The following COL25A1 variants were observed in gnomAD, a reference collection of about 807,000 sequenced individuals.
COL25A1 encodes collagen alpha-1(XXV) chain.
Under a neutral mutation model 128.4 loss-of-function variants are expected in COL25A1, and 103 were observed. The ratio of observed to expected loss-of-function variants is 0.80; its 90% CI spans 0.68 to 0.94. The LOEUF (loss-of-function observed/expected upper bound fraction) is 0.94, where lower values mean the gene tolerates loss of function less well. Among genes scored for constraint, COL25A1 ranks in the 40% least tolerant of loss-of-function variants. COL25A1 has a pLI of 0.00. For synonymous variants in COL25A1, 279 were observed against 277.2 expected (o/e 1.01, Z -0.06); for missense variants, 745 against 840.0 (o/e 0.89, Z 1.40).
intron 3 of COL25A1, among the ~76,000 whole-genome samples, chr4:109,281,409 C>CAAAAAAAAA (rs59962160): frequency 9.8e-6 from 1 of 102,258 alleles, no homozygotes; most frequent in Non-Finnish European, 2.3e-5. Flanking sequence ...CTTAAAATGG[C>CAAAAAAAAA]AAAAAAAAAA....
rs61280631 is a variant in COL25A1, at chr4:108,868,606, A to AAAAGAAAGAAAGAAAG, written c.1083+466_1083+481dup. Reference sequence around the variant, plus strand: ...GAAGGAAGGAAGGAAGAAAGAAAGAAAAAGAAAGAAAGAAAGAAAGAAGGG... The same window carrying AAAAGAAAGAAAGAAAG: ...GAAGGAAGGAAGGAAGAAAGAAAGAAAAAGAAAGAAAGAAAGAAAGAAAGAAAGAAAGAAAGAAGGG... On this transcript the variant is annotated intron_variant, in intron 20 of 37. Transcript: ENST00000399132. Among the ~76,000 whole-genome samples, 298 of 147,078 alleles carry AAAAGAAAGAAAGAAAG rather than the reference A, an allele frequency of 2.0e-3. 3 individuals carry two copies. The highest frequency in any genetic ancestry group is 7.2e-3 in the African/African-American group (283 of 39,510).
At position 108,998,744 on chromosome 4, in the gene COL25A1, A is replaced by G. The variant is rs1755034184; in HGVS notation, c.438+11614T>C. On this transcript the variant is annotated intron_variant, in intron 6 of 37. Coordinates refer to ENST00000399132, the MANE Select transcript of COL25A1 (RefSeq NM_198721.4). ...ACAAGGCTACAGTAACCAAAACAGC[A>G]TGGTACTGGTACCAAAACAGATATA... is the stretch of plus-strand genomic sequence containing the variant. Among the ~76,000 whole-genome samples the G allele has an allele frequency of 6.6e-5, 10 of 152,340 alleles. No individual in the cohort carries two copies. The South Asian group carries it at 2.1e-3, about 32-fold the overall frequency.
At chr4:109,086,863 T>C (rs1311237356) in intron 3 of COL25A1, among the ~76,000 whole-genome samples, 1 of 152,212 alleles carries the variant, frequency 6.6e-6, no homozygotes, top group African/African-American at 2.4e-5. Context: ...GAATATCACA[T>C]GCTAGTGCCC....
At chr4:108,845,061 T>G (rs1479059681) in intron 29 of COL25A1, 128 bp downstream of exon 29, 2 of 806,280 alleles carry the variant, frequency 2.5e-6, no homozygotes, top group East Asian at 4.9e-5. Context: ...TTCTACAGTT[T>G]GACAAACCAA....
Position 109,239,414 on chromosome 4 carries a change from ATATATATATT to A in COL25A1, c.367+61159_367+61168del, listed in dbSNP as rs1779715613. 5.9e-5 allele frequency among the ~76,000 whole-genome samples: 8 copies of A among 134,924 alleles called. No individual in the cohort carries two copies. In the South Asian group the frequency reaches 1.8e-3, roughly 30 times the overall value. 88.5% of individuals were successfully genotyped at this position (134,924 alleles called of 152,430 possible). The stretch of plus-strand genomic sequence containing the variant: ...TGTGTGTATATATATATATATATAT[ATATATATATT>A]TATTTATTTATTTATTTATATTGTA... On this transcript the variant is annotated intron_variant, in intron 3 of 37. Coordinates refer to ENST00000399132, the MANE Select transcript of COL25A1 (RefSeq NM_198721.4).
intron 8 of COL25A1, among the ~76,000 whole-genome samples, chr4:108,947,465 G>T (rs1300472337): frequency 2.6e-5 from 4 of 151,332 alleles, no homozygotes; most frequent in African/African-American, 9.7e-5. Flanking sequence ...AAAAGAAAAA[G>T]AAAGAAAAGA....
At chr4:108,867,756 G>A (rs1738108318) in intron 20 of COL25A1, among the ~76,000 whole-genome samples, 1 of 152,098 alleles carries the variant, frequency 6.6e-6, no homozygotes. Flanking sequence ...GTAGTTTGAT[G>A]TAATTTTGCC....
chr4:108,885,732 A>G lies in COL25A1; in HGVS notation c.976-1510T>C, dbSNP rs564151309. ...GCCCTTGAAAACAGTAAATTGCAAT[A>G]GAATATACAATTAATAAAAGTAAAC... On this transcript the variant is annotated intron_variant, in intron 18 of 37. Transcript: ENST00000399132. Among the ~76,000 whole-genome samples the G allele has an allele frequency of 2.6e-5, 4 of 152,340 alleles. No homozygotes were observed. In the East Asian group the frequency reaches 7.7e-4, roughly 29 times the overall value.
At chr4:109,014,131 A>AC (rs1756978997) in intron 5 of COL25A1, among the ~76,000 whole-genome samples, 2 of 151,852 alleles carry the variant, frequency 1.3e-5, no homozygotes, top group Non-Finnish European at 2.9e-5. Flanking sequence ...ATATGGTGAA[A>AC]CCCCGTCTCT....
At chr4:108,941,173 C>CT (rs1388938367) in intron 9 of COL25A1, among the ~76,000 whole-genome samples, 193 bp downstream of exon 9, 1 of 152,074 alleles carries the variant, frequency 6.6e-6, no homozygotes, top group Admixed American at 6.6e-5. Context: ...CTTTTAATAT[C>CT]TTTTTTGGTA....
chr4:109,267,268 C>T (rs1045889283), intron 3 of COL25A1, among the ~76,000 whole-genome samples: 2 of 152,056 alleles, frequency 1.3e-5, no homozygotes, highest in Non-Finnish European at 2.9e-5. Flanking sequence ...ATTCTCATTC[C>T]CATAACTGGC....
chr4:108,863,253 A>G (rs1737477698), intron 21 of COL25A1, 66 bp downstream of exon 21: 2 of 1,470,912 alleles, frequency 1.4e-6, no homozygotes, highest in Admixed American at 3.4e-5. Flanking sequence ...ATGTTGTTTT[A>G]GTTTTTTGTG....
At chr4:108,878,353 T>TA (rs1560793202) in intron 19 of COL25A1, among the ~76,000 whole-genome samples, 2 of 151,636 alleles carry the variant, frequency 1.3e-5, no homozygotes. Flanking sequence ...CAGCAGGGCT[T>TA]AAAAAATATG....
In COL25A1 at chr4:108,871,904, T is replaced by C. The variant is rs114004974; in HGVS notation, c.1021-2754A>G. 2.0e-3 allele frequency among the ~76,000 whole-genome samples: 301 copies of C among 152,266 alleles called. 1 individual carries two copies. The highest frequency in any genetic ancestry group is 7.0e-3 in the African/African-American group (291 of 41,544). ...CAGACTTCAAAAACAATTGTTGAAGTAAATAAGGCATGGATATGTTGACTC... is the reference window on the plus strand; with the variant it reads ...CAGACTTCAAAAACAATTGTTGAAGCAAATAAGGCATGGATATGTTGACTC... On this transcript the variant is annotated intron_variant, in intron 19 of 37. Coordinates refer to ENST00000399132, the MANE Select transcript of COL25A1 (RefSeq NM_198721.4).
At chr4:109,192,625 C>G (rs955793667) in intron 3 of COL25A1, among the ~76,000 whole-genome samples, 1 of 152,062 alleles carries the variant, frequency 6.6e-6, no homozygotes, top group Non-Finnish European at 1.5e-5. Flanking sequence ...GAGGTCGAGG[C>G]GGCAGATCAC....
chr4:108,818,937 G>A (rs941678197), intron 36 of COL25A1, among the ~76,000 whole-genome samples: 33 of 151,636 alleles, frequency 2.2e-4, no homozygotes, highest in African/African-American at 8.0e-4. Flanking sequence ...CAGTGTCTTT[G>A]CATCAAATAT....
At chr4:109,101,429 G>A (rs924537480) in intron 3 of COL25A1, among the ~76,000 whole-genome samples, 4 of 152,136 alleles carry the variant, frequency 2.6e-5, no homozygotes, top group African/African-American at 9.7e-5. Context: ...AAGCCTATCT[G>A]GCCTTGTGGA....
intron 24 of COL25A1, among the ~76,000 whole-genome samples, chr4:108,853,502 G>A (rs1193349429): frequency 6.6e-6 from 1 of 151,900 alleles, no homozygotes; most frequent in African/African-American, 2.4e-5. Flanking sequence ...AAACAAATGA[G>A]TTTTTAAAAT....
chr4:109,155,794 C>T (rs920427683), intron 3 of COL25A1, among the ~76,000 whole-genome samples: 1 of 152,116 alleles, frequency 6.6e-6, no homozygotes, highest in Non-Finnish European at 1.5e-5. Flanking sequence ...AACCAGGCAC[C>T]ATTATGTAAG....
Sources: allele counts gnomAD v4.1 joint callset (sites outside exome capture counted in the v4.1 genomes callset), GRCh38; gene constraint gnomAD v4.1.1; transcripts MANE v1.5; gene names NCBI Gene and HGNC (gene_info 2026-07-23, HGNC 2026-07-21).